Variants in RASGRF2 observed in about 807,000 individuals in gnomAD.
The protein encoded by RASGRF2 is Ras protein specific guanine nucleotide releasing factor 2.
RASGRF2 carries 76 observed loss-of-function variants against 151.0 expected under a neutral mutation model. The observed-to-expected ratio is 0.50, with a 90% CI of 0.42 to 0.61. The LOEUF is 0.61. RASGRF2 is among the 20% of genes least tolerant of loss of function. The pLI is 0.00. For missense variants in RASGRF2, 1,148 were observed against 1,564.6 expected (o/e 0.73, Z 4.49); for synonymous variants, 504 against 566.5 (o/e 0.89, Z 1.57).
At chr5:81,107,303 G>A (rs376989989) in intron 12 of RASGRF2, among the ~76,000 whole-genome samples, 89 of 152,098 alleles carry the variant, frequency 5.9e-4, no homozygotes, top group African/African-American at 2.1e-3. Context: ...TTGAGGTTAC[G>A]GTGAGCTATG....
chr5:81,168,052 A>G (rs1414048958), intron 17 of RASGRF2, among the ~76,000 whole-genome samples: 1 of 152,060 alleles, frequency 6.6e-6, no homozygotes, highest in African/African-American at 2.4e-5. Context: ...AAGCAGATAC[A>G]AATGGTCAAG....
chr5:81,015,700 G>A (rs539983), intron 1 of RASGRF2, among the ~76,000 whole-genome samples: 34,583 of 151,974 alleles, frequency 0.23, 4,646 homozygotes, highest in Middle Eastern at 0.46. Flanking sequence ...ATGAGCATAT[G>A]ACATTTTGGA....
At chr5:81,097,987 G>A (rs1312522590) in intron 12 of RASGRF2, among the ~76,000 whole-genome samples, 1 of 152,166 alleles carries the variant, frequency 6.6e-6, no homozygotes, top group Non-Finnish European at 1.5e-5. Flanking sequence ...GAGGGTGAGA[G>A]TGGAAGCAGG....
At chr5:81,041,459 A>G (rs1188506972) in intron 1 of RASGRF2, among the ~76,000 whole-genome samples, 1 of 152,216 alleles carries the variant, frequency 6.6e-6, no homozygotes. Context: ...ATATACATAT[A>G]TATTTCTGCA....
At position 81,134,073 on chromosome 5, in the gene RASGRF2, T is replaced by TGTGC. The variant is rs549024444; in HGVS notation, c.2686+6913_2686+6914insCGTG. 5.6e-4 allele frequency among the ~76,000 whole-genome samples: 65 copies of TGTGC among 116,476 alleles called. 1 individual carries two copies. Among genetic ancestry groups the TGTGC allele is most frequent in the South Asian group, 3.9e-3 (14 of 3,564 alleles). The allele number at this position is 116,476 out of a possible 152,430, so 76.4% of individuals were successfully genotyped here. ...AATGTGAAGCCAAGTAGGAAATGCT[T>TGTGC]GTGTGCGTGTGTGTGTGTGTGTGTG... On this transcript the variant is annotated intron_variant, in intron 17 of 26. Coordinates refer to ENST00000265080, the MANE Select transcript of RASGRF2 (RefSeq NM_006909.3).
intron 2 of RASGRF2, among the ~76,000 whole-genome samples, chr5:81,053,386 TG>T (rs1438017193): frequency 6.6e-6 from 1 of 151,384 alleles, no homozygotes; most frequent in Non-Finnish European, 1.5e-5. Flanking sequence ...TTTGGTTTTT[TG>T]CTCTTGCGAT....
At chr5:81,195,595 TAAAC>T (rs1158845927) in intron 18 of RASGRF2, among the ~76,000 whole-genome samples, 2 of 148,966 alleles carry the variant, frequency 1.3e-5, no homozygotes, top group African/African-American at 5.0e-5. Context: ...TTTTGATAGA[TAAAC>T]AAAGGTAATG....
At chr5:81,165,778 C>A (rs1407992617) in intron 17 of RASGRF2, among the ~76,000 whole-genome samples, 1 of 152,090 alleles carries the variant, frequency 6.6e-6, no homozygotes, top group East Asian at 1.9e-4. Context: ...GATGCCCACT[C>A]TCTTCATGGC....
At chr5:81,061,236 A>G (rs748157835) in intron 2 of RASGRF2, among the ~76,000 whole-genome samples, 3 of 152,134 alleles carry the variant, frequency 2.0e-5, no homozygotes, top group Non-Finnish European at 2.9e-5. Context: ...TTTGTTTTTA[A>G]TGAATGAACA....
At chr5:81,037,849 C>T (rs575217018) in intron 1 of RASGRF2, among the ~76,000 whole-genome samples, 2 of 152,216 alleles carry the variant, frequency 1.3e-5, no homozygotes, top group South Asian at 4.2e-4. Context: ...TCCTTTCTCC[C>T]CTAAAGAAAC....
At chr5:81,188,060 G>A (rs1755070163) in intron 18 of RASGRF2, among the ~76,000 whole-genome samples, 1 of 152,164 alleles carries the variant, frequency 6.6e-6, no homozygotes, top group Non-Finnish European at 1.5e-5. Flanking sequence ...GGCAGCTGCT[G>A]TCACCTCTCC....
At chr5:81,196,516 AC>A (rs1307804695) in intron 18 of RASGRF2, among the ~76,000 whole-genome samples, 3 of 152,166 alleles carry the variant, frequency 2.0e-5, no homozygotes, top group African/African-American at 7.2e-5. Flanking sequence ...TCCCTCTCAG[AC>A]CAGTCTTCCC....
intron 1 of RASGRF2, among the ~76,000 whole-genome samples, chr5:80,989,008 C>T (rs1057411648): frequency 7.9e-5 from 12 of 151,324 alleles, no homozygotes; most frequent in African/African-American, 1.7e-4. Context: ...GACAGAGTCT[C>T]GCTCTGTCGC....
intron 11 of RASGRF2, 39 bp from the exon 12 acceptor site, chr5:81,094,817 T>C (rs1031605445): frequency 5.2e-6 from 8 of 1,550,430 alleles, no homozygotes; most frequent in Non-Finnish European, 7.1e-6. Flanking sequence ...TTTGTTTTTT[T>C]GTATTCTCAT....
chr5:81,041,365 A>G (rs1054317914), intron 1 of RASGRF2, among the ~76,000 whole-genome samples: 3 of 151,994 alleles, frequency 2.0e-5, no homozygotes, highest in Admixed American at 6.6e-5. Flanking sequence ...GTGTACTGTT[A>G]TTCGTGAATA....
intron 26 of RASGRF2, chr5:81,223,435 A>T (rs1339215456): frequency 6.6e-6 from 1 of 152,086 alleles, no homozygotes; most frequent in Non-Finnish European, 1.5e-5. Flanking sequence ...AGGTCAGGAG[A>T]TCAAGACCAT....
At chr5:81,202,288 C>T (rs775298561) in intron 19 of RASGRF2, among the ~76,000 whole-genome samples, 1 of 152,214 alleles carries the variant, frequency 6.6e-6, no homozygotes, top group Non-Finnish European at 1.5e-5. Flanking sequence ...TTACCACTCT[C>T]ATTTCTAGTT....
chr5:81,059,033 T>G (rs1300992702), intron 2 of RASGRF2, among the ~76,000 whole-genome samples: 1 of 152,136 alleles, frequency 6.6e-6, no homozygotes, highest in Non-Finnish European at 1.5e-5. Context: ...CCTTCTCCTC[T>G]TGTGCTCCAC....
At chr5:81,036,949 A>G (rs2112380273) in intron 1 of RASGRF2, among the ~76,000 whole-genome samples, 1 of 152,330 alleles carries the variant, frequency 6.6e-6, no homozygotes, top group South Asian at 2.1e-4. Context: ...GTAATTTACA[A>G]AGAAAGGAGA....
Sources: allele counts gnomAD v4.1 joint callset (sites outside exome capture counted in the v4.1 genomes callset), GRCh38; gene constraint gnomAD v4.1.1; transcripts MANE v1.5; gene names NCBI Gene and HGNC (gene_info 2026-07-23, HGNC 2026-07-21).